GOLIM4: variants seen among roughly 807,000 people sequenced by gnomAD.
The protein encoded by GOLIM4 is 130 kDa golgi-localized phosphoprotein.
GOLIM4 carries 71 observed loss-of-function variants against 107.4 expected under a neutral mutation model. The ratio of observed to expected loss-of-function variants is 0.66; its 90% CI spans 0.55 to 0.81. The LOEUF is 0.81. Among genes scored for constraint, GOLIM4 ranks in the 30% least tolerant of loss-of-function variants. The probability of loss-of-function intolerance (pLI) is 0.00; values close to 1 mark genes in which losing one functional copy is unlikely to be tolerated. For missense variants in GOLIM4, 830 were observed against 826.1 expected (o/e 1.00, Z -0.06); for synonymous variants, 327 against 294.8 (o/e 1.11, Z -1.12).
At chr3:168,063,899 C>T (rs765130705) in intron 1 of GOLIM4, among the ~76,000 whole-genome samples, 11 of 152,118 alleles carry the variant, frequency 7.2e-5, no homozygotes, top group East Asian at 3.9e-4. Context: ...AAAAAAGAAG[C>T]GGCATAGTAT....
At chr3:168,039,614 T>C (rs1042484491) in intron 7 of GOLIM4, among the ~76,000 whole-genome samples, 23 of 152,210 alleles carry the variant, frequency 1.5e-4, no homozygotes, top group African/African-American at 5.5e-4. Context: ...GTCAGAGTTC[T>C]ACTCCAGAAT....
intron 1 of GOLIM4, among the ~76,000 whole-genome samples, chr3:168,081,857 A>C (rs1290836776): frequency 6.6e-6 from 1 of 152,194 alleles, no homozygotes; most frequent in Non-Finnish European, 1.5e-5. Flanking sequence ...CAATTTATTA[A>C]AAGCCATTTA....
intron 1 of GOLIM4, among the ~76,000 whole-genome samples, chr3:168,070,570 G>A (rs1181072035): frequency 6.6e-6 from 1 of 152,072 alleles, no homozygotes; most frequent in African/African-American, 2.4e-5. Context: ...CAGACTCAAA[G>A]GTAAAGTAAA....
At chr3:168,058,624 A>G (rs1720103151) in intron 1 of GOLIM4, among the ~76,000 whole-genome samples, 1 of 152,244 alleles carries the variant, frequency 6.6e-6, no homozygotes, top group Non-Finnish European at 1.5e-5. Context: ...CAGGTAAAAC[A>G]TAAGACAATT....
chr3:168,036,811 T>G (rs747433042), intron 8 of GOLIM4, 25 bp downstream of exon 8: 1 of 1,572,012 alleles, frequency 6.4e-7, no homozygotes, highest in South Asian at 1.2e-5. Context: ...GACCTAACCA[T>G]AGATTACCAG....
rs746989591 is a variant in GOLIM4 at position 168,095,102 on chromosome 3, G to T, written c.184C>A (p.Gln62Lys). 3 of 1,599,156 alleles carry T rather than the reference G, an allele frequency of 1.9e-6. No homozygotes were observed. Among genetic ancestry groups the T allele is most frequent in the Admixed American group, 1.7e-5 (1 of 59,510 alleles). ...GCGCGCGTCCCGTTAGCCGTACCTT[G>T]TAACTGGGCGGAGAGGGACTCCTGG... ...QHQESLSAQL[Q>K]VVYEHRSRLE... Residue 62 changes from glutamine (Q) to lysine (K), a missense_variant, in exon 1 of 16, where the codon CAA becomes AAA. Physicochemically the swap from Gln to Lys is moderately conservative, Grantham distance 53. Coordinates refer to ENST00000470487, the MANE Select transcript of GOLIM4 (RefSeq NM_014498.5).
chr3:168,046,399 T>C (rs1489210881), intron 3 of GOLIM4, among the ~76,000 whole-genome samples: 1 of 152,182 alleles, frequency 6.6e-6, no homozygotes, highest in Non-Finnish European at 1.5e-5. Flanking sequence ...GGTCAGCAGA[T>C]AAACAAGTGA....
chr3:168,016,397 T>G (rs1484442573), intron 14 of GOLIM4, among the ~76,000 whole-genome samples: 1 of 130,848 alleles, frequency 7.6e-6, no homozygotes, highest in African/African-American at 4.4e-5. Context: ...AAACAACAGG[T>G]GCTGGAGAGG....
chr3:168,036,211 A>G (rs1718642987), intron 8 of GOLIM4, among the ~76,000 whole-genome samples: 1 of 152,228 alleles, frequency 6.6e-6, no homozygotes. Flanking sequence ...ATAAACCTAC[A>G]TGAATAAAGA....
intron 7 of GOLIM4, among the ~76,000 whole-genome samples, chr3:168,038,286 A>G (rs1333852660): frequency 2.6e-5 from 4 of 152,250 alleles, no homozygotes; most frequent in Non-Finnish European, 5.9e-5. Context: ...AATATGGAGC[A>G]ATACACAAAA....
intron 1 of GOLIM4, among the ~76,000 whole-genome samples, chr3:168,064,005 C>G (rs1053657570): frequency 1.3e-5 from 2 of 152,142 alleles, no homozygotes; most frequent in Non-Finnish European, 2.9e-5. Context: ...TTTATTCTGG[C>G]AAGCAGGCCT....
At chr3:168,014,549 C>T (rs1717252813) in intron 14 of GOLIM4, among the ~76,000 whole-genome samples, 1 of 129,386 alleles carries the variant, frequency 7.7e-6, no homozygotes, top group Non-Finnish European at 1.5e-5. Flanking sequence ...ATGAGGCCAG[C>T]ATCATTCTGA....
chr3:168,035,602 C>T (rs1048272562), intron 8 of GOLIM4, among the ~76,000 whole-genome samples: 1 of 152,056 alleles, frequency 6.6e-6, no homozygotes, highest in Non-Finnish European at 1.5e-5. Flanking sequence ...AATGATGAGA[C>T]ACATAAGCAC....
intron 1 of GOLIM4, among the ~76,000 whole-genome samples, chr3:168,060,610 G>C (rs1021447168): frequency 1.3e-5 from 2 of 152,176 alleles, no homozygotes; most frequent in Non-Finnish European, 2.9e-5. Flanking sequence ...GAAAAATCCA[G>C]ACAGTGGATA....
At position 168,036,867 on chromosome 3, in the gene GOLIM4, G is replaced by C. The variant is rs973147250; in HGVS notation, c.812C>G (p.Ala271Gly). ...CACCTCTCGGGTTGGCTTCTCCCTT[G>C]CTGTGTTGTAACCTTGTGGAGAATG... is the stretch of plus-strand genomic sequence containing the variant. ...VAHSPQGYNTAREKPTREVQE... is the reference protein window; with the variant it reads ...VAHSPQGYNTGREKPTREVQE... Residue 271 changes from alanine to glycine, a missense_variant, in exon 8 of 16, where the codon GCA (alanine) becomes GGA (glycine). Physicochemically the swap from Ala to Gly is moderately conservative, Grantham distance 60. Coordinates refer to ENST00000470487, the MANE Select transcript of GOLIM4 (RefSeq NM_014498.5). The C allele has an allele frequency of 1.2e-6, 2 of 1,613,484 alleles. No homozygotes were observed. Among genetic ancestry groups the C allele is most frequent in the African/African-American group, 2.7e-5 (2 of 74,906 alleles).
At chr3:168,044,646 G>T (rs993172632) in intron 4 of GOLIM4, among the ~76,000 whole-genome samples, 182 bp downstream of exon 4, 1 of 152,064 alleles carries the variant, frequency 6.6e-6, no homozygotes, top group African/African-American at 2.4e-5. Context: ...GTAATCGAGT[G>T]ATAAATACGA....
At position 168,027,812 on chromosome 3, in the gene GOLIM4, T is replaced by G; in HGVS notation, c.1539A>C (p.Gln513His). Residue 513 changes from glutamine (Q) to histidine (H), a missense_variant, in exon 12 of 16, where the codon CAA becomes CAC. Gln to His is a conservative substitution (Grantham distance 24, BLOSUM62 0). Transcript: ENST00000470487. ...TACCTGGATCTCCTTCTGCTTCATC[T>G]TGGTGCTGGTTGTCTCTTTCATAGG... ...EGAYERDNQH[Q>H]DEAEGDPGNR... 1 of 1,612,392 alleles carries G rather than the reference T, an allele frequency of 6.2e-7. No homozygotes were observed. The highest frequency in any genetic ancestry group is 8.5e-7 in the Non-Finnish European group (1 of 1,178,458).
intron 7 of GOLIM4, among the ~76,000 whole-genome samples, chr3:168,039,553 G>A (rs62273303): frequency 2.0e-5 from 3 of 152,028 alleles, no homozygotes; most frequent in African/African-American, 4.8e-5. Context: ...CATGAGCCAC[G>A]GTGCCCGGCC....
intron 8 of GOLIM4, among the ~76,000 whole-genome samples, chr3:168,035,969 T>G (rs1355671794): frequency 5.9e-5 from 9 of 152,180 alleles, no homozygotes; most frequent in Non-Finnish European, 1.3e-4. Context: ...AAAAGGTGTA[T>G]TATTTGACTA....
Sources: allele counts gnomAD v4.1 joint callset (sites outside exome capture counted in the v4.1 genomes callset), GRCh38; gene constraint gnomAD v4.1.1; transcripts MANE v1.5; gene names NCBI Gene and HGNC (gene_info 2026-07-23, HGNC 2026-07-21).